The following TACR1 variants were observed in gnomAD, a reference collection of about 807,000 sequenced individuals.
The protein encoded by TACR1 is substance-P receptor.
A neutral mutation model predicts 35.8 loss-of-function variants in TACR1; 25 were observed. The observed-to-expected ratio is 0.70, with a 90% CI of 0.51 to 0.98. TACR1 has a LOEUF of 0.98. TACR1 is among the 50% of genes least tolerant of loss of function. The pLI is 0.00. For missense variants in TACR1, 478 were observed against 522.9 expected (o/e 0.91, Z 0.84); for synonymous variants, 195 against 206.7 (o/e 0.94, Z 0.48).
chr2:75,074,152 TC>T (rs1268487674), intron 2 of TACR1, among the ~76,000 whole-genome samples: 1 of 152,184 alleles, frequency 6.6e-6, no homozygotes, highest in African/African-American at 2.4e-5. Context: ...CAAAATATTT[TC>T]ACAAGCGGGG....
intron 1 of TACR1, among the ~76,000 whole-genome samples, chr2:75,152,961 A>G (rs935234888): frequency 6.6e-6 from 1 of 152,166 alleles, no homozygotes; most frequent in Non-Finnish European, 1.5e-5. Flanking sequence ...GGAGTGCAGT[A>G]GCGCAATCTC....
At chr2:75,050,058 T>C (rs980032997) in intron 4 of TACR1, among the ~76,000 whole-genome samples, 1 of 152,202 alleles carries the variant, frequency 6.6e-6, no homozygotes, top group Non-Finnish European at 1.5e-5. Context: ...ATTCACCAAG[T>C]GTTTACTATG....
chr2:75,139,573 T>A (rs1674361530), intron 1 of TACR1, among the ~76,000 whole-genome samples: 1 of 152,252 alleles, frequency 6.6e-6, no homozygotes, highest in Non-Finnish European at 1.5e-5. Context: ...CATCTTTCTA[T>A]GCCCTTAAGC....
At chr2:75,097,454 T>G (rs951222099) in intron 2 of TACR1, among the ~76,000 whole-genome samples, 1 of 152,076 alleles carries the variant, frequency 6.6e-6, no homozygotes, top group Admixed American at 6.6e-5. Flanking sequence ...AGACTTGACC[T>G]AAACTTTCTC....
intron 1 of TACR1, among the ~76,000 whole-genome samples, chr2:75,138,313 C>G (rs1199998952): frequency 6.6e-6 from 1 of 152,164 alleles, no homozygotes; most frequent in Non-Finnish European, 1.5e-5. Context: ...TCCTATGTGC[C>G]AGGTGCTGTG....
At chr2:75,191,394 G>C (rs750848662) in intron 1 of TACR1, among the ~76,000 whole-genome samples, 1 of 152,138 alleles carries the variant, frequency 6.6e-6, no homozygotes, top group Non-Finnish European at 1.5e-5. Context: ...GTTGACAGCA[G>C]TTAGGCCAGA....
rs373035820 is a variant in TACR1 at position 75,198,782 on chromosome 2, C to A, written c.153G>T (p.Val51=). The A allele has an allele frequency of 6.2e-7, 1 of 1,614,072 alleles. No homozygotes were observed. The highest frequency in any genetic ancestry group is 1.3e-5 in the African/African-American group (1 of 74,928). Reference sequence around the variant, plus strand: ...GGGCTAAGATGATCCACATCACTACCACGTTGCCCACCACAGAGGTCACCA... The same window carrying A: ...GGGCTAAGATGATCCACATCACTACAACGTTGCCCACCACAGAGGTCACCA... ...VIVVTSVVGN[V]VVMWIILAHK... The change falls in exon 1 of 5, where the codon GTG becomes GTT. Residue 51 remains valine, a synonymous_variant. Coordinates refer to ENST00000305249, the MANE Select transcript of TACR1 (RefSeq NM_001058.4).
chr2:75,072,598 G>C (rs1672904186), intron 2 of TACR1, among the ~76,000 whole-genome samples: 1 of 152,196 alleles, frequency 6.6e-6, no homozygotes, highest in Non-Finnish European at 1.5e-5. Flanking sequence ...AATCAGATAT[G>C]GCACCTGGAG....
Position 75,199,344 on chromosome 2 carries a change from C to A in TACR1, c.-410G>T, listed in dbSNP as rs1406294969. ...CCGCAGGGAAAGGCAAAGCCCTGTG[C>A]TGCGTGAGGACTTAGGAGCGAAGTG... On this transcript the variant is annotated 5_prime_UTR_variant, in exon 1 of 5. Transcript: ENST00000305249. The A allele has an allele frequency of 1.0e-5, 2 of 190,742 alleles. No homozygotes were observed. The highest frequency in any genetic ancestry group is 2.2e-5 in the Non-Finnish European group (2 of 89,792). The allele number at this position is 190,742 out of a possible 1,614,324, so 11.8% of individuals were successfully genotyped here. A position where few individuals can be genotyped will look rare whatever the true frequency, so the allele number is the denominator to read the frequency against.
At chr2:75,069,424 A>G (rs1672833173) in intron 2 of TACR1, among the ~76,000 whole-genome samples, 1 of 152,172 alleles carries the variant, frequency 6.6e-6, no homozygotes, top group African/African-American at 2.4e-5. Flanking sequence ...GCAAAGATAA[A>G]ACAGAGTTTC....
intron 2 of TACR1, among the ~76,000 whole-genome samples, chr2:75,106,778 A>G (rs978981159): frequency 1.3e-5 from 2 of 151,940 alleles, no homozygotes; most frequent in Non-Finnish European, 2.9e-5. Flanking sequence ...GAAATAAAAC[A>G]TATGTATCTT....
chr2:75,049,336 G>T lies in TACR1; in HGVS notation c.*96C>A, dbSNP rs537631720. On this transcript the variant is annotated 3_prime_UTR_variant, in exon 5 of 5. Coordinates refer to ENST00000305249, the MANE Select transcript of TACR1 (RefSeq NM_001058.4). ...ACCCTTTTTGCAAGTCCCAGTGTGA[G>T]GGTGTTTCTGATGGTTCCAGATGAA... is the stretch of plus-strand genomic sequence containing the variant. 3.7e-6 allele frequency: 5 copies of T among 1,365,146 alleles called. No homozygotes were observed. In the South Asian group the frequency reaches 6.9e-5, roughly 19 times the overall value. 84.6% of individuals were successfully genotyped at this position (1,365,146 alleles called of 1,614,324 possible).
At chr2:75,056,487 C>A (rs1573458172) in intron 2 of TACR1, among the ~76,000 whole-genome samples, 1 of 152,220 alleles carries the variant, frequency 6.6e-6, no homozygotes, top group South Asian at 2.1e-4. Context: ...GTTTACCCGG[C>A]CTTGCCTGCT....
chr2:75,083,959 C>A (rs1393176015), intron 2 of TACR1, among the ~76,000 whole-genome samples: 8 of 151,860 alleles, frequency 5.3e-5, no homozygotes, highest in Admixed American at 1.3e-4. Flanking sequence ...ACTTCCAACA[C>A]TATGTTGAAT....
At chr2:75,100,173 A>G (rs545442399) in intron 2 of TACR1, among the ~76,000 whole-genome samples, 2 of 152,234 alleles carry the variant, frequency 1.3e-5, no homozygotes, top group African/African-American at 4.8e-5. Flanking sequence ...TGAGCTCCAA[A>G]GACAGACTCC....
chr2:75,141,474 A>G (rs1336588322), intron 1 of TACR1, among the ~76,000 whole-genome samples: 74 of 152,116 alleles, frequency 4.9e-4, no homozygotes, highest in Admixed American at 4.8e-3. Context: ...GCTTAGGAGC[A>G]TAGGAATTAC....
At chr2:75,069,896 G>T (rs1208044975) in intron 2 of TACR1, among the ~76,000 whole-genome samples, 1 of 152,134 alleles carries the variant, frequency 6.6e-6, no homozygotes, top group African/African-American at 2.4e-5. Context: ...CCACTGTGAA[G>T]ACACTCTTTT....
At chr2:75,067,820 AG>A (rs1444383338) in intron 2 of TACR1, among the ~76,000 whole-genome samples, 4 of 152,016 alleles carry the variant, frequency 2.6e-5, no homozygotes, top group Non-Finnish European at 1.5e-5. Context: ...GGAGGGGTTG[AG>A]GGGTGAGGGC....
At chr2:75,154,148 A>G (rs1674742168) in intron 1 of TACR1, among the ~76,000 whole-genome samples, 1 of 152,094 alleles carries the variant, frequency 6.6e-6, no homozygotes, top group South Asian at 2.1e-4. Context: ...CAGGAAGCTG[A>G]GCCTGCTGCT....
Sources: allele counts gnomAD v4.1 joint callset (sites outside exome capture counted in the v4.1 genomes callset), GRCh38; gene constraint gnomAD v4.1.1; transcripts MANE v1.5; gene names NCBI Gene and HGNC (gene_info 2026-07-23, HGNC 2026-07-21).